DET1: variants seen among roughly 807,000 people sequenced by gnomAD.
DET1 encodes the protein DET1 homolog.
Under a neutral mutation model 43.7 loss-of-function variants are expected in DET1, and 22 were observed. The observed-to-expected ratio is 0.50, with a 90% CI of 0.36 to 0.72. The LOEUF is 0.72. Among genes scored for constraint, DET1 ranks in the 30% least tolerant of loss-of-function variants. The pLI is 0.00. For synonymous variants in DET1, 315 were observed against 266.2 expected (o/e 1.18, Z -1.79); for missense variants, 713 against 713.3 (o/e 1.00, Z 0.00).
intron 2 of DET1, among the ~76,000 whole-genome samples, chr15:88,529,844 T>C (rs1269468779): frequency 1.3e-5 from 2 of 152,192 alleles, no homozygotes; most frequent in African/African-American, 4.8e-5. Context: ...AAATTACCCT[T>C]AATTTCAACA....
intron 1 of DET1, chr15:88,536,303 G>A (rs1177758054): frequency 3.9e-6 from 3 of 776,814 alleles, no homozygotes; most frequent in African/African-American, 1.7e-5. Flanking sequence ...CTGAAATTAA[G>A]TTGTTTACCT....
chr15:88,508,192 T>C (rs1253150106), downstream of DET1, among the ~76,000 whole-genome samples: 3 of 152,246 alleles, frequency 2.0e-5, no homozygotes, highest in African/African-American at 7.2e-5. Context: ...AATTATTTCA[T>C]TATATATTAC....
intron 2 of DET1, among the ~76,000 whole-genome samples, chr15:88,529,499 C>T (rs967439492): frequency 1.3e-5 from 2 of 152,310 alleles, no homozygotes; most frequent in Admixed American, 1.3e-4. Flanking sequence ...AACAAATGAT[C>T]TCTAACCATA....
downstream of DET1, chr15:88,512,460 C>T: frequency 1.0e-6 from 1 of 986,318 alleles, no homozygotes; most frequent in Non-Finnish European, 1.2e-6. Context: ...GAACATAAAG[C>T]AGTCATCCAA....
At position 88,516,844 on chromosome 15, in the gene DET1, A is replaced by G; in HGVS notation, c.1401T>C (p.Ser467=). 1 of 1,610,644 alleles carries G rather than the reference A, an allele frequency of 6.2e-7. No homozygotes were observed. Among genetic ancestry groups the G allele is most frequent in the Non-Finnish European group, 8.5e-7 (1 of 1,178,672 alleles). ...TGACAGATACCCACTTGTCATCATA[A>G]CTGAAGAGAGACAAATCCAGATAGG... ...GSPYLDLSLF[S]YDDKWVSVME... Residue 467 remains serine, a synonymous_variant, in exon 4 of 5, where the codon AGT becomes AGC. Coordinates refer to ENST00000268148, the MANE Select transcript of DET1 (RefSeq NM_001144074.3). The surrounding 1 kb of genome is among the most constrained non-coding windows in gnomAD (Gnocchi z 4.4).
At chr15:88,530,552 A>C (rs1282354026) in intron 2 of DET1, 71 bp downstream of exon 2, 1 of 1,522,208 alleles carries the variant, frequency 6.6e-7, no homozygotes, top group East Asian at 2.3e-5. Context: ...GGTGGGCTAT[A>C]AACAAACAGA....
In DET1 at chr15:88,531,437, C is replaced by A; in HGVS notation, c.269G>T (p.Cys90Phe). 6.2e-7 allele frequency: 1 copy of A among 1,614,048 alleles called. No homozygotes were observed. The highest frequency in any genetic ancestry group is 8.5e-7 in the Non-Finnish European group (1 of 1,179,906). ...TSLEIYEYQG[C>F]QAAEDLLQGY... is the part of the protein sequence containing the mutation. ...CTGCAGTAGGTCCTCTGCTGCCTGG[C>A]AGCCCTGGTACTCATAGATTTCAAG... Residue 90 changes from cysteine (C) to phenylalanine (F), a missense_variant, in exon 2 of 5, where the codon TGC (cysteine) becomes TTC (phenylalanine). Coordinates refer to ENST00000268148, the MANE Select transcript of DET1 (RefSeq NM_001144074.3). This position sits in a 1 kb window ranked among gnomAD's most constrained non-coding sequence, Gnocchi z 6.2.
intron 4 of DET1, among the ~76,000 whole-genome samples, chr15:88,515,152 G>A (rs892057276): frequency 4.6e-5 from 7 of 152,122 alleles, no homozygotes; most frequent in Non-Finnish European, 1.0e-4. Context: ...AACAAGCAAA[G>A]TCTAGAATTT....
chr15:88,515,570 A>AAC (rs2056323576), intron 4 of DET1, among the ~76,000 whole-genome samples: 1 of 145,124 alleles, frequency 6.9e-6, no homozygotes, highest in Non-Finnish European at 1.5e-5. Flanking sequence ...AAAAAAAAAG[A>AAC]CCGAAGGGAC....
At chr15:88,512,207 G>A (rs1285840423), downstream of DET1, 1 of 299,796 alleles carries the variant, frequency 3.3e-6, no homozygotes, top group East Asian at 1.7e-4. Context: ...CCACCTGCAT[G>A]ACACAGATGG....
At chr15:88,542,168 T>C (rs1454373242) in intron 1 of DET1, among the ~76,000 whole-genome samples, 1 of 152,140 alleles carries the variant, frequency 6.6e-6, no homozygotes, top group African/African-American at 2.4e-5. Flanking sequence ...TTAACTCTCT[T>C]TACCTCTGAG....
At chr15:88,538,016 G>A (rs1461450422) in intron 1 of DET1, among the ~76,000 whole-genome samples, 1 of 152,206 alleles carries the variant, frequency 6.6e-6, no homozygotes, top group Non-Finnish European at 1.5e-5. Context: ...CAGACAGGAA[G>A]TAACCAGGTC....
intron 3 of DET1, among the ~76,000 whole-genome samples, chr15:88,524,644 C>T (rs956749993): frequency 6.6e-6 from 1 of 152,316 alleles, no homozygotes; most frequent in Admixed American, 6.5e-5. Flanking sequence ...GATCTGTGAC[C>T]TTACCCCCAA....
chr15:88,545,208 G>A (rs1037077862), intron 1 of DET1, among the ~76,000 whole-genome samples: 5 of 151,934 alleles, frequency 3.3e-5, no homozygotes, highest in Admixed American at 2.0e-4. Flanking sequence ...ATAATATTAC[G>A]GCATGTCATG....
At chr15:88,543,692 C>T (rs1485417333) in intron 1 of DET1, among the ~76,000 whole-genome samples, 2 of 152,156 alleles carry the variant, frequency 1.3e-5, no homozygotes, top group Non-Finnish European at 2.9e-5. Context: ...AAATTGATCG[C>T]CCTCACTCAG....
At chr15:88,517,022 C>T in intron 3 of DET1, 49 bp from the exon 4 acceptor site, 1 of 1,392,000 alleles carries the variant, frequency 7.2e-7, no homozygotes, top group African/African-American at 1.5e-5. Flanking sequence ...GTACACAAAG[C>T]TGTCTTGAAT....
At chr15:88,534,688 C>T (rs987391384) in intron 1 of DET1, among the ~76,000 whole-genome samples, 1 of 152,180 alleles carries the variant, frequency 6.6e-6, no homozygotes, top group Non-Finnish European at 1.5e-5. Flanking sequence ...AGACTGGCCA[C>T]TGAATGTCAC....
At chr15:88,524,721 G>A (rs1171835582) in intron 3 of DET1, among the ~76,000 whole-genome samples, 1 of 152,132 alleles carries the variant, frequency 6.6e-6, no homozygotes, top group Non-Finnish European at 1.5e-5. Context: ...GGTGCAAGAT[G>A]TGCTTTGTTA....
Position 88,531,261 on chromosome 15 carries a change from C to G in DET1, c.445G>C (p.Asp149His). 1 of 1,613,846 alleles carries G rather than the reference C, an allele frequency of 6.2e-7. No homozygotes were observed. Among genetic ancestry groups the G allele is most frequent in the Non-Finnish European group, 8.5e-7 (1 of 1,179,848 alleles). Reference protein sequence around the residue: ...HLNRECSLFTDDCRCVIVGSA... With the variant: ...HLNRECSLFTHDCRCVIVGSA... Reference sequence around the variant, plus strand: ...CCCACGATGACACAGCGGCAGTCATCAGTGAAGAGACTACACTCCCGGTTC... The same window carrying G: ...CCCACGATGACACAGCGGCAGTCATGAGTGAAGAGACTACACTCCCGGTTC... The change falls in exon 2 of 5, where the codon GAT (aspartate) becomes CAT (histidine). Residue 149 changes from aspartate to histidine, a missense_variant. Physicochemically the swap from Asp to His is moderately conservative, Grantham distance 81. Coordinates refer to ENST00000268148, the MANE Select transcript of DET1 (RefSeq NM_001144074.3). This position sits in a 1 kb window ranked among gnomAD's most constrained non-coding sequence, Gnocchi z 6.2.
Sources: gnomAD v4.1 joint callset for allele counts (sites outside exome capture counted in the v4.1 genomes callset) on GRCh38, gnomAD v4.1.1 for gene constraint, Gnocchi (gnomAD v3.1) non-coding constraint, MANE v1.5 for transcripts, NCBI Gene and HGNC (gene_info 2026-07-23, HGNC 2026-07-21) for gene names.